ANO2: variants seen among roughly 807,000 people sequenced by gnomAD.
The protein encoded by ANO2 is anoctamin 2, also known as anoctamin-2.
A neutral mutation model predicts 124.2 loss-of-function variants in ANO2; 101 were observed. The observed-to-expected ratio is 0.81, with a 90% confidence interval of 0.69 to 0.96. The LOEUF is 0.96. Among genes scored for constraint, ANO2 ranks in the 40% least tolerant of loss-of-function variants. The pLI is 0.00. For missense variants in ANO2, 1,293 were observed against 1,274.5 expected, an observed-to-expected ratio of 1.01 and a Z score of -0.22; for synonymous variants, 486 against 482.5, an observed-to-expected ratio of 1.01 and a Z score of -0.09.
chr12:5,771,534 C>T (rs1952082000), intron 10 of ANO2, among the ~76,000 whole-genome samples: 2 of 151,848 alleles, frequency 1.3e-5, no homozygotes, highest in South Asian at 2.1e-4. Flanking sequence ...AATCCCAGCA[C>T]TTTGGGAGGC....
chr12:5,705,547 G>T (rs1949575772), intron 14 of ANO2, among the ~76,000 whole-genome samples: 1 of 152,122 alleles, frequency 6.6e-6, no homozygotes, highest in African/African-American at 2.4e-5. Flanking sequence ...CCTCCAAAGG[G>T]AATGCAATAC....
chr12:5,606,152 G>A (rs1290130813), intron 19 of ANO2, among the ~76,000 whole-genome samples: 3 of 152,196 alleles, frequency 2.0e-5, no homozygotes, highest in Non-Finnish European at 4.4e-5. Context: ...GCTGCCTGAT[G>A]GAAGATGCCT....
chr12:5,738,683 C>A (rs1298448444), intron 13 of ANO2, among the ~76,000 whole-genome samples: 1 of 152,144 alleles, frequency 6.6e-6, no homozygotes, highest in Admixed American at 6.5e-5. Flanking sequence ...CGACACACTG[C>A]CCATCATCGG....
At chr12:5,798,065 T>A (rs1318066685) in intron 10 of ANO2, among the ~76,000 whole-genome samples, 1 of 151,922 alleles carries the variant, frequency 6.6e-6, no homozygotes. Flanking sequence ...TTAATCGTAC[T>A]TAAAAAAAAC....
chr12:5,677,128 G>A (rs1388167161), intron 14 of ANO2, among the ~76,000 whole-genome samples: 1 of 151,444 alleles, frequency 6.6e-6, no homozygotes, highest in Non-Finnish European at 1.5e-5. Flanking sequence ...TCTCAGGATT[G>A]GGGGGGAGAA....
chr12:5,596,877 C>T (rs1943686862), intron 20 of ANO2, among the ~76,000 whole-genome samples: 2 of 152,142 alleles, frequency 1.3e-5, no homozygotes, highest in Non-Finnish European at 2.9e-5. Context: ...AGACCCTCTT[C>T]TATTCACAGA....
At chr12:5,732,419 CTT>C in intron 14 of ANO2, 99 bp downstream of exon 14, 1 of 959,088 alleles carries the variant, frequency 1.0e-6, no homozygotes, top group South Asian at 1.6e-5. Context: ...ACATCAACCC[CTT>C]CTCAAGCCCA....
chr12:5,770,214 A>G (rs1952033934), intron 10 of ANO2, among the ~76,000 whole-genome samples: 1 of 151,930 alleles, frequency 6.6e-6, no homozygotes. Context: ...AAAATAGCCA[A>G]GAAACCCCAT....
intron 10 of ANO2, among the ~76,000 whole-genome samples, chr12:5,792,978 G>A (rs1952740746): frequency 6.6e-6 from 1 of 152,180 alleles, no homozygotes. Context: ...TCCCAAGAAG[G>A]ACAATCACGA....
At chr12:5,840,321 G>T (rs1954475099) in intron 4 of ANO2, among the ~76,000 whole-genome samples, 1 of 152,234 alleles carries the variant, frequency 6.6e-6, no homozygotes, top group South Asian at 2.1e-4. Flanking sequence ...GGGGTTTACT[G>T]TCTTTTCTTA....
intron 7 of ANO2, among the ~76,000 whole-genome samples, chr12:5,813,527 C>T (rs1953501715): frequency 1.3e-5 from 2 of 152,072 alleles, no homozygotes; most frequent in Admixed American, 1.3e-4. Flanking sequence ...CAATTACATG[C>T]AACCACACCT....
At chr12:5,808,813 C>T (rs773487465) in intron 7 of ANO2, among the ~76,000 whole-genome samples, 4 of 152,194 alleles carry the variant, frequency 2.6e-5, no homozygotes, top group Non-Finnish European at 4.4e-5. Context: ...CTCAGAGACC[C>T]GCAGAGGATC....
At chr12:5,829,350 C>G (rs924975016) in intron 6 of ANO2, among the ~76,000 whole-genome samples, 1 of 151,860 alleles carries the variant, frequency 6.6e-6, no homozygotes, top group African/African-American at 2.4e-5. Flanking sequence ...ATGCCTTTTT[C>G]CATTGGAAAA....
At chr12:5,848,036 T>C (rs886624791) in intron 4 of ANO2, among the ~76,000 whole-genome samples, 3 of 152,224 alleles carry the variant, frequency 2.0e-5, no homozygotes, top group Non-Finnish European at 4.4e-5. Flanking sequence ...TACTCTGTAT[T>C]CAACCCTCCC....
At chr12:5,700,099 A>G (rs576813676) in intron 14 of ANO2, among the ~76,000 whole-genome samples, 25 of 152,344 alleles carry the variant, frequency 1.6e-4, no homozygotes, top group African/African-American at 4.6e-4. Context: ...CCTAATAGAC[A>G]TCTACAGAAC....
At chr12:5,873,520 T>C (rs1057218068) in intron 3 of ANO2, among the ~76,000 whole-genome samples, 3 of 152,152 alleles carry the variant, frequency 2.0e-5, no homozygotes, top group African/African-American at 7.2e-5. Flanking sequence ...CTGGGGCCCA[T>C]CCAGCAGGCT....
At chr12:5,657,540 C>T (rs1411517020) in intron 14 of ANO2, among the ~76,000 whole-genome samples, 1 of 150,926 alleles carries the variant, frequency 6.6e-6, no homozygotes, top group African/African-American at 2.4e-5. Flanking sequence ...TGTTCTGTCA[C>T]CCAGGTTGGA....
Position 5,799,549 on chromosome 12 carries a change from C to G in ANO2, c.1013G>C (p.Arg338Pro), listed in dbSNP as rs1486183196. The change falls in exon 10 of 25, where the codon CGC (arginine) becomes CCC (proline). Residue 338 changes from arginine to proline, a missense_variant. Coordinates refer to ENST00000682330, the MANE Select transcript of ANO2 (RefSeq NM_001364791.2). ...DRKLLYQEWARYGVFYKFQPI... is the reference protein window; with the variant it reads ...DRKLLYQEWAPYGVFYKFQPI... Reference sequence around the variant, plus strand: ...TTGGAACTTATAGAACACTCCATAGCGCGCCCATTCTTGATATAGCAGCTA... The same window carrying G: ...TTGGAACTTATAGAACACTCCATAGGGCGCCCATTCTTGATATAGCAGCTA... 1 of 1,613,818 alleles carries G rather than the reference C, an allele frequency of 6.2e-7. No individual in the cohort carries two copies. The highest frequency in any genetic ancestry group is 1.3e-5 in the African/African-American group (1 of 74,926).
chr12:5,784,374 CCTT>C (rs1013790811), intron 10 of ANO2, among the ~76,000 whole-genome samples: 10 of 152,170 alleles, frequency 6.6e-5, no homozygotes, highest in Middle Eastern at 3.2e-3. Flanking sequence ...ACTATAAGCT[CCTT>C]GAGGGCCAGG....
Sources: gnomAD v4.1 joint callset for allele counts (sites outside exome capture counted in the v4.1 genomes callset) on GRCh38, gnomAD v4.1.1 for gene constraint, MANE v1.5 for transcripts, NCBI Gene and HGNC (gene_info 2026-07-23, HGNC 2026-07-21) for gene names.